The following ADGRL2 variants were observed in gnomAD, a reference collection of about 807,000 sequenced individuals.
ADGRL2 encodes calcium-independent alpha-latrotoxin receptor 2.
In ADGRL2, 44 loss-of-function variants were observed where a neutral mutation model predicts 157.4. The ratio of observed to expected loss-of-function variants is 0.28; its 90% confidence interval spans 0.22 to 0.36. The LOEUF (loss-of-function observed/expected upper bound fraction) is 0.36, where lower values mean the gene tolerates loss of function less well. Among genes scored for constraint, ADGRL2 ranks in the 10% least tolerant of loss-of-function variants. The probability of loss-of-function intolerance (pLI) is 1.00; values close to 1 mark genes in which losing one functional copy is unlikely to be tolerated. For missense variants in ADGRL2, 1,510 were observed against 1,768.9 expected, an observed-to-expected ratio of 0.85 and a Z score of 2.63; for synonymous variants, 585 against 624.7, an observed-to-expected ratio of 0.94 and a Z score of 0.95.
intron 1 of ADGRL2, among the ~76,000 whole-genome samples, chr1:81,329,287 C>G (rs1661116694): frequency 6.6e-6 from 1 of 152,076 alleles, no homozygotes; most frequent in Non-Finnish European, 1.5e-5. Context: ...CACCCCACCC[C>G]CAACCCCACC....
chr1:81,630,055 C>CACATAG (rs1182009283), intron 3 of ADGRL2, among the ~76,000 whole-genome samples: 1 of 151,838 alleles, frequency 6.6e-6, no homozygotes, highest in African/African-American at 2.4e-5. Flanking sequence ...TATACACATA[C>CACATAG]ACATAGACAT....
At chr1:81,656,604 A>G (rs995719558) in intron 3 of ADGRL2, among the ~76,000 whole-genome samples, 2 of 152,174 alleles carry the variant, frequency 1.3e-5, no homozygotes, top group African/African-American at 2.4e-5. Flanking sequence ...TCACTCTGCT[A>G]TCTACATTTT....
At chr1:81,882,418 G>A (rs528847637) in intron 2 of ADGRL2, among the ~76,000 whole-genome samples, 48 of 152,170 alleles carry the variant, frequency 3.2e-4, no homozygotes, top group Non-Finnish European at 5.4e-4. Flanking sequence ...TTTTTAAACA[G>A]TAAAAAATCT....
intron 1 of ADGRL2, among the ~76,000 whole-genome samples, chr1:81,316,045 G>T (rs1660083478): frequency 6.6e-6 from 1 of 151,652 alleles, no homozygotes; most frequent in Admixed American, 6.6e-5. Context: ...TTGACTTAAA[G>T]GGAAATCTTC....
intron 2 of ADGRL2, among the ~76,000 whole-genome samples, chr1:81,896,093 A>G (rs929083149): frequency 6.6e-6 from 1 of 152,226 alleles, no homozygotes; most frequent in African/African-American, 2.4e-5. Context: ...AAGAGATTAC[A>G]TTAAATAACA....
chr1:81,389,955 T>C lies in ADGRL2; in HGVS notation c.-301-55081T>C, dbSNP rs79211277. Among the ~76,000 whole-genome samples the C allele has an allele frequency of 3.3e-5, 5 of 152,302 alleles. No individual in the cohort carries two copies. In the East Asian group the frequency reaches 9.6e-4, roughly 29 times the overall value. ...TGACTTTTAATACCAAGTCTGTAGC[T>C]TGTTTAAGCTTGAATAAATCTCCTA... On this transcript the variant is annotated intron_variant, in intron 1 of 24. Transcript: ENST00000370721.
chr1:81,549,911 G>A (rs1024125940), intron 2 of ADGRL2, among the ~76,000 whole-genome samples: 17 of 147,296 alleles, frequency 1.2e-4, no homozygotes, highest in African/African-American at 4.0e-4. Context: ...ACAGTAATCA[G>A]TGATTACAAA....
chr1:81,338,978 C>A (rs1002559925), intron 1 of ADGRL2, among the ~76,000 whole-genome samples: 1 of 152,210 alleles, frequency 6.6e-6, no homozygotes, highest in African/African-American at 2.4e-5. Context: ...GAATGCTCTT[C>A]TTTCATCTGC....
At chr1:81,612,100 T>G (rs1924650) in intron 3 of ADGRL2, among the ~76,000 whole-genome samples, 1 of 151,956 alleles carries the variant, frequency 6.6e-6, no homozygotes, top group Non-Finnish European at 1.5e-5. Context: ...AGTATCTTTA[T>G]AGCAGTATGA....
intron 1 of ADGRL2, among the ~76,000 whole-genome samples, chr1:81,336,045 T>A (rs557616735): frequency 6.6e-6 from 1 of 152,298 alleles, no homozygotes; most frequent in East Asian, 1.9e-4. Flanking sequence ...TGTAGCTGTT[T>A]GTAAGACAAG....
At chr1:81,919,144 T>G (rs2148562642) in intron 3 of ADGRL2, among the ~76,000 whole-genome samples, 1 of 152,236 alleles carries the variant, frequency 6.6e-6, no homozygotes, top group Middle Eastern at 3.4e-3. Flanking sequence ...TTTCAGAGAT[T>G]TAGGATTTGG....
chr1:81,360,109 G>A (rs2075952155), intron 1 of ADGRL2, among the ~76,000 whole-genome samples: 1 of 151,918 alleles, frequency 6.6e-6, no homozygotes, highest in South Asian at 2.1e-4. Flanking sequence ...GACTGTACAT[G>A]ATCTACTCTT....
chr1:81,753,680 G>C (rs984876462), intron 1 of ADGRL2, among the ~76,000 whole-genome samples: 2 of 152,142 alleles, frequency 1.3e-5, no homozygotes, highest in African/African-American at 2.4e-5. Flanking sequence ...TGTCAATTCG[G>C]AATTTAAATA....
intron 1 of ADGRL2, among the ~76,000 whole-genome samples, chr1:81,733,343 C>A (rs2084787785): frequency 6.6e-6 from 1 of 152,224 alleles, no homozygotes; most frequent in African/African-American, 2.4e-5. Flanking sequence ...CCACAGAAAT[C>A]TCTCACGGTT....
intron 1 of ADGRL2, among the ~76,000 whole-genome samples, chr1:81,823,239 T>C (rs1214305983): frequency 6.6e-6 from 1 of 152,076 alleles, no homozygotes; most frequent in Non-Finnish European, 1.5e-5. Context: ...TGCTTTATTC[T>C]TTCCACTATT....
intron 2 of ADGRL2, among the ~76,000 whole-genome samples, chr1:81,784,684 T>C (rs1178201488): frequency 7.0e-6 from 1 of 142,724 alleles, no homozygotes; most frequent in Non-Finnish European, 1.5e-5. Flanking sequence ...GCTGAGATCA[T>C]GCCATTGCAC....
chr1:81,435,348 G>A (rs899620416), intron 1 of ADGRL2, among the ~76,000 whole-genome samples: 2 of 152,154 alleles, frequency 1.3e-5, no homozygotes, highest in Non-Finnish European at 2.9e-5. Context: ...TAAACATCAT[G>A]TCCAAAGAAC....
intron 3 of ADGRL2, among the ~76,000 whole-genome samples, chr1:81,625,039 C>A (rs2148726342): frequency 6.6e-6 from 1 of 152,278 alleles, no homozygotes; most frequent in Admixed American, 6.5e-5. Context: ...GTTCAAAACA[C>A]TTTTATCTAT....
At chr1:81,362,759 A>G (rs1191965571) in intron 1 of ADGRL2, among the ~76,000 whole-genome samples, 1 of 151,980 alleles carries the variant, frequency 6.6e-6, no homozygotes, top group Non-Finnish European at 1.5e-5. Flanking sequence ...ATTTCCTTAT[A>G]TTCTGTTTAA....
Sources: gnomAD v4.1 joint callset for allele counts (sites outside exome capture counted in the v4.1 genomes callset) on GRCh38, gnomAD v4.1.1 for gene constraint, MANE v1.5 for transcripts, NCBI Gene and HGNC (gene_info 2026-07-23, HGNC 2026-07-21) for gene names.